KIZ: variants seen among roughly 807,000 people sequenced by gnomAD.
KIZ encodes kizuna centrosomal protein, also known as centrosomal protein kizuna.
In KIZ, 68 loss-of-function variants were observed where a neutral mutation model predicts 79.6. The ratio of observed to expected loss-of-function variants is 0.85; its 90% CI spans 0.70 to 1.05. The LOEUF is 1.05. Ranked by LOEUF, KIZ falls within the 50% of genes least tolerant of loss-of-function variation. KIZ has a pLI of 0.00. For synonymous variants in KIZ, 280 were observed against 281.8 expected, an observed-to-expected ratio of 0.99 and a Z score of 0.06; for missense variants, 797 against 800.4, an observed-to-expected ratio of 1.00 and a Z score of 0.05.
chr20:21,135,051 G>T (rs1206542391), intron 2 of KIZ, among the ~76,000 whole-genome samples: 4 of 152,194 alleles, frequency 2.6e-5, no homozygotes, highest in Admixed American at 6.5e-5. Flanking sequence ...CCGGTGTGTA[G>T]AAGTCCTTTT....
chr20:21,140,550 T>A (rs886578365), intron 3 of KIZ, among the ~76,000 whole-genome samples: 12 of 152,186 alleles, frequency 7.9e-5, no homozygotes, highest in African/African-American at 2.9e-4. Flanking sequence ...TCATAATACT[T>A]TATTTGGAGG....
At chr20:21,188,345 A>C (rs1255612611) in intron 6 of KIZ, among the ~76,000 whole-genome samples, 1 of 152,152 alleles carries the variant, frequency 6.6e-6, no homozygotes, top group African/African-American at 2.4e-5. Context: ...ATTCAATCAT[A>C]CTTACCTTCT....
chr20:21,152,958 G>A (rs1041896723), intron 4 of KIZ, among the ~76,000 whole-genome samples: 2 of 152,124 alleles, frequency 1.3e-5, no homozygotes, highest in African/African-American at 4.8e-5. Context: ...TTTTATGTTT[G>A]TTTTTAAAAG....
In KIZ at chr20:21,136,534, G is replaced by C; in HGVS notation, c.297G>C (p.Glu99Asp). The C allele has an allele frequency of 6.4e-7, 1 of 1,560,728 alleles. No homozygotes were observed. The highest frequency in any genetic ancestry group is 8.6e-7 in the Non-Finnish European group (1 of 1,157,596). The change falls in exon 3 of 13, where the codon GAG becomes GAC. Residue 99 changes from glutamate (E) to aspartate (D), a missense_variant. By Grantham distance (45) the Glu-to-Asp change is conservative. Transcript: ENST00000619189. ...AHVVHFTTNT[E>D]KLQKLKLEYE... The stretch of plus-strand genomic sequence containing the variant: ...TTGTACACTTCACCACAAATACAGA[G>C]AAGCTTCAAAAACTGAAGGTGACTT...
At chr20:21,168,737 A>G (rs911567289) in intron 6 of KIZ, among the ~76,000 whole-genome samples, 1 of 152,188 alleles carries the variant, frequency 6.6e-6, no homozygotes, top group African/African-American at 2.4e-5. Flanking sequence ...AAACAGAGAT[A>G]TAGACCAATG....
chr20:21,209,650 A>C lies in KIZ; in HGVS notation c.1446+4066A>C, dbSNP rs1311974150. Among the ~76,000 whole-genome samples the C allele has an allele frequency of 2.0e-5, 3 of 152,250 alleles. No homozygotes were observed. In the South Asian group the frequency reaches 6.2e-4, roughly 32 times the overall value. On this transcript the variant is annotated intron_variant, in intron 7 of 12. Coordinates refer to ENST00000619189, the MANE Select transcript of KIZ (RefSeq NM_018474.6). ...GTAGAACTTAAGTGTTGATGCTTGC[A>C]TTTCTCTTTAAACACCAAGAAATTA...
intron 3 of KIZ, among the ~76,000 whole-genome samples, chr20:21,141,861 TCTCA>T (rs1005827773): frequency 6.7e-6 from 1 of 150,070 alleles, no homozygotes; most frequent in African/African-American, 2.5e-5. Flanking sequence ...TGTTTGTCTC[TCTCA>T]CACAAATACA....
chr20:21,156,911 CTG>C (rs1246591724), intron 4 of KIZ, among the ~76,000 whole-genome samples: 3 of 152,052 alleles, frequency 2.0e-5, no homozygotes, highest in African/African-American at 7.2e-5. Flanking sequence ...TGGCTAAACA[CTG>C]TTAAGGGAGT....
intron 9 of KIZ, among the ~76,000 whole-genome samples, chr20:21,215,955 C>T (rs553554976): frequency 2.6e-5 from 4 of 152,298 alleles, no homozygotes; most frequent in African/African-American, 9.6e-5. Flanking sequence ...CTGGGGAACA[C>T]CCGGTCATTA....
At chr20:21,228,125 G>A (rs949835380) in intron 9 of KIZ, among the ~76,000 whole-genome samples, 10 of 152,090 alleles carry the variant, frequency 6.6e-5, no homozygotes, top group African/African-American at 2.2e-4. Flanking sequence ...AATGAAGCCA[G>A]CAAAAGCAGG....
intron 11 of KIZ, among the ~76,000 whole-genome samples, chr20:21,235,599 C>G (rs1051146796): frequency 2.6e-5 from 4 of 152,230 alleles, no homozygotes; most frequent in Non-Finnish European, 5.9e-5. Flanking sequence ...TTTTCACTCT[C>G]CCGGATCCAT....
chr20:21,146,167 C>T (rs891381626), intron 4 of KIZ, among the ~76,000 whole-genome samples: 3 of 152,188 alleles, frequency 2.0e-5, no homozygotes, highest in Non-Finnish European at 4.4e-5. Context: ...TGCCTATCTC[C>T]ATATAAATGA....
chr20:21,147,090 A>G (rs1347958100), intron 4 of KIZ, among the ~76,000 whole-genome samples: 5 of 152,176 alleles, frequency 3.3e-5, no homozygotes, highest in African/African-American at 1.2e-4. Context: ...TGATAGACAT[A>G]TTCTTAGCAC....
At chr20:21,238,750 G>A (rs2037118688) in intron 11 of KIZ, among the ~76,000 whole-genome samples, 1 of 152,154 alleles carries the variant, frequency 6.6e-6, no homozygotes, top group Non-Finnish European at 1.5e-5. Flanking sequence ...GGCACCTCAA[G>A]GGCATCGAGC....
intron 10 of KIZ, among the ~76,000 whole-genome samples, chr20:21,230,828 T>A (rs13041407): frequency 0.2 from 30,476 of 152,094 alleles, 3,985 homozygotes; most frequent in Middle Eastern, 0.33. Context: ...TTCCATGACC[T>A]TCTTCACATT....
At chr20:21,186,470 A>G (rs2122978074) in intron 6 of KIZ, among the ~76,000 whole-genome samples, 1 of 151,506 alleles carries the variant, frequency 6.6e-6, no homozygotes, top group East Asian at 1.9e-4. Flanking sequence ...ACATCCCCTA[A>G]ACTCTGACAC....
chr20:21,133,338 G>A (rs1443493828), intron 2 of KIZ, among the ~76,000 whole-genome samples: 1 of 152,354 alleles, frequency 6.6e-6, no homozygotes, highest in South Asian at 2.1e-4. Flanking sequence ...TTTGTGTGTG[G>A]AAGAAATAGC....
chr20:21,129,112 T>G (rs1424123978), intron 1 of KIZ, among the ~76,000 whole-genome samples: 2 of 152,166 alleles, frequency 1.3e-5, no homozygotes, highest in African/African-American at 4.8e-5. Context: ...AAATATCTGG[T>G]TTTTAGTATT....
chr20:21,185,282 AT>A (rs1264189808), intron 6 of KIZ, among the ~76,000 whole-genome samples: 1 of 151,422 alleles, frequency 6.6e-6, no homozygotes, highest in African/African-American at 2.4e-5. Context: ...GTGTAAATTC[AT>A]TTTGATTTGC....
Sources: allele counts gnomAD v4.1 joint callset (sites outside exome capture counted in the v4.1 genomes callset), GRCh38; gene constraint gnomAD v4.1.1; transcripts MANE v1.5; gene names NCBI Gene and HGNC (gene_info 2026-07-23, HGNC 2026-07-21).